The following TSHZ2 variants were observed in gnomAD, a reference collection of about 807,000 sequenced individuals.
TSHZ2 encodes teashirt homolog 2.
A neutral mutation model predicts 74.4 loss-of-function variants in TSHZ2; 21 were observed. That is an observed-to-expected ratio of 0.28 (90% confidence interval 0.20 to 0.41). The LOEUF (loss-of-function observed/expected upper bound fraction) is 0.41. Among genes scored for constraint, TSHZ2 ranks in the 10% least tolerant of loss-of-function variants. TSHZ2 has a pLI of 1.00. For synonymous variants in TSHZ2, 540 were observed against 515.3 expected, an observed-to-expected ratio of 1.05 and a Z score of -0.65; for missense variants, 1,244 against 1,293.5, an observed-to-expected ratio of 0.96 and a Z score of 0.59.
intron 1 of TSHZ2, among the ~76,000 whole-genome samples, chr20:53,117,246 A>G (rs1986695130): frequency 6.6e-6 from 1 of 152,194 alleles, no homozygotes; most frequent in South Asian, 2.1e-4. Context: ...TAAGCTCCAT[A>G]TAGAGGTTCC....
intron 2 of TSHZ2, among the ~76,000 whole-genome samples, chr20:53,349,082 G>A (rs1980546443): frequency 6.6e-6 from 1 of 152,198 alleles, no homozygotes; most frequent in African/African-American, 2.4e-5. Flanking sequence ...GTTGAACAGT[G>A]TCCAGGTGTG....
At chr20:53,127,702 C>G (rs1316166478) in intron 1 of TSHZ2, among the ~76,000 whole-genome samples, 2 of 152,174 alleles carry the variant, frequency 1.3e-5, no homozygotes, top group African/African-American at 4.8e-5. Flanking sequence ...TTCTTTGCAT[C>G]CATTATTTGA....
Position 53,045,701 on chromosome 20 carries a change from G to A in TSHZ2, c.40+72368G>A, listed in dbSNP as rs1196791653. Among the ~76,000 whole-genome samples, 4 of 152,320 alleles carry A rather than the reference G, an allele frequency of 2.6e-5. No homozygotes were observed. In the East Asian group the frequency reaches 7.7e-4, roughly 29 times the overall value. On this transcript the variant is annotated intron_variant, in intron 1 of 2. Coordinates refer to ENST00000371497, the MANE Select transcript of TSHZ2 (RefSeq NM_173485.6). ...CTTCGAATCTGGGAACCACCCTTAT[G>A]GCTGAGTGGATTTCACTCTCTGCAC...
rs189417182 is a variant in TSHZ2 at position 53,160,890 on chromosome 20, T to C, written c.41-92609T>C. On this transcript the variant is annotated intron_variant, in intron 1 of 2. Transcript: ENST00000371497. ...TCTTCATCTATATATTCCCTACTCT[T>C]AATCTATTTCTTTATAAGGTGCTAA... Among the ~76,000 whole-genome samples, 177 of 152,140 alleles carry C rather than the reference T, an allele frequency of 1.2e-3. 1 individual carries two copies. Among genetic ancestry groups the C allele is most frequent in the African/African-American group, 3.9e-3 (163 of 41,460 alleles).
intron 1 of TSHZ2, among the ~76,000 whole-genome samples, chr20:53,233,409 T>C (rs1039513409): frequency 2.0e-5 from 3 of 152,294 alleles, no homozygotes; most frequent in East Asian, 1.9e-4. Context: ...TCCTGTCTAA[T>C]AGGGGACAGA....
chr20:53,072,952 T>C lies in TSHZ2; in HGVS notation c.40+99619T>C, dbSNP rs1021737586. 3.0e-5 allele frequency among the ~76,000 whole-genome samples: 4 copies of C among 135,082 alleles called. No homozygotes were observed. In the Admixed American group the frequency reaches 3.3e-4, roughly 11 times the overall value. 88.6% of individuals were successfully genotyped at this position (135,082 alleles called of 152,430 possible). On this transcript the variant is annotated intron_variant, in intron 1 of 2. Coordinates refer to ENST00000371497, the MANE Select transcript of TSHZ2 (RefSeq NM_173485.6). ...CTTAATCCATTCATCCATCCCTCCGTTCCTTCATCCATCTATCCCTCCATC... is the reference window on the plus strand; with the variant it reads ...CTTAATCCATTCATCCATCCCTCCGCTCCTTCATCCATCTATCCCTCCATC...
chr20:53,138,497 T>A (rs2123406832), intron 1 of TSHZ2, among the ~76,000 whole-genome samples: 2 of 152,214 alleles, frequency 1.3e-5, no homozygotes, highest in Middle Eastern at 3.4e-3. Flanking sequence ...CAACCAGGGC[T>A]TTTCTCTCAC....
chr20:53,198,157 C>A (rs886359988), intron 1 of TSHZ2: 1 of 152,202 alleles, frequency 6.6e-6, no homozygotes, highest in Non-Finnish European at 1.5e-5. Context: ...CACCTTCTCA[C>A]TCAGCATACA....
chr20:53,218,564 T>C (rs1989486783), intron 1 of TSHZ2, among the ~76,000 whole-genome samples: 1 of 152,240 alleles, frequency 6.6e-6, no homozygotes, highest in Admixed American at 6.5e-5. Flanking sequence ...ATGACGAGAT[T>C]AGCTGGAGCT....
intron 1 of TSHZ2, among the ~76,000 whole-genome samples, chr20:53,204,435 A>T (rs1370202187): frequency 6.6e-6 from 1 of 151,016 alleles, no homozygotes; most frequent in African/African-American, 2.4e-5. Context: ...TTATATCATA[A>T]TATGATATAA....
intron 1 of TSHZ2, among the ~76,000 whole-genome samples, chr20:53,240,076 T>C (rs1364609291): frequency 2.0e-5 from 3 of 152,194 alleles, no homozygotes; most frequent in African/African-American, 7.2e-5. Context: ...CGTGATGTCA[T>C]ATATGTTGGC....
Position 53,087,074 on chromosome 20 carries a change from G to A in TSHZ2, c.40+113741G>A, listed in dbSNP as rs567990538. On this transcript the variant is annotated intron_variant, in intron 1 of 2. Coordinates refer to ENST00000371497, the MANE Select transcript of TSHZ2 (RefSeq NM_173485.6). ...AGACTCATAGGAAGTGAGAAAACAA[G>A]CCATGTGATGATCTGAAGGAGGAGA... 2.0e-5 allele frequency among the ~76,000 whole-genome samples: 3 copies of A among 152,238 alleles called. No homozygotes were observed. In the East Asian group the frequency reaches 5.8e-4, roughly 29 times the overall value.
intron 2 of TSHZ2, among the ~76,000 whole-genome samples, chr20:53,464,707 G>T (rs746828676): frequency 6.6e-6 from 1 of 152,096 alleles, no homozygotes; most frequent in East Asian, 1.9e-4. Flanking sequence ...GGGCTCAAGA[G>T]TCCTCCTGCC....
intron 1 of TSHZ2, among the ~76,000 whole-genome samples, chr20:53,085,366 A>G (rs189430730): frequency 2.6e-5 from 4 of 151,986 alleles, no homozygotes; most frequent in Non-Finnish European, 5.9e-5. Context: ...CTCCATCTCA[A>G]AAAGAAAGAG....
chr20:53,229,954 AAG>A lies in TSHZ2; in HGVS notation c.41-23541_41-23540del, dbSNP rs370766023. ...GAGAAAGAAAAGAGAGGAAGGAAGA[AAG>A]AGAAAGAAGAAGGAAGAGAAAGAAA... is the stretch of plus-strand genomic sequence containing the variant. On this transcript the variant is annotated intron_variant, in intron 1 of 2. Transcript: ENST00000371497. 6.0e-5 allele frequency among the ~76,000 whole-genome samples: 9 copies of A among 151,206 alleles called. No individual in the cohort carries two copies. The South Asian group carries it at 1.3e-3, about 21-fold the overall frequency.
At chr20:53,082,035 CACTG>C (rs1985553662) in intron 1 of TSHZ2, among the ~76,000 whole-genome samples, 1 of 152,034 alleles carries the variant, frequency 6.6e-6, no homozygotes, top group South Asian at 2.1e-4. Context: ...GGTCACCCGT[CACTG>C]ACTTTGTATT....
intron 1 of TSHZ2, among the ~76,000 whole-genome samples, chr20:53,249,983 T>G (rs540228334): frequency 8.5e-5 from 13 of 152,132 alleles, no homozygotes; most frequent in Non-Finnish European, 1.8e-4. Flanking sequence ...GCTAGAGCAG[T>G]GGCCATGGAG....
At chr20:52,982,503 G>T (rs10485814) in intron 1 of TSHZ2, among the ~76,000 whole-genome samples, 8,037 of 152,176 alleles carry the variant, frequency 0.053, 708 homozygotes, top group African/African-American at 0.18. Context: ...CTCTTTATGG[G>T]ATGTTCTTTC....
chr20:53,370,844 T>C (rs1402949658), intron 2 of TSHZ2, among the ~76,000 whole-genome samples: 1 of 152,230 alleles, frequency 6.6e-6, no homozygotes, highest in Non-Finnish European at 1.5e-5. Context: ...GTTCATTTCC[T>C]GGAGCTGCTA....
Sources: allele counts gnomAD v4.1 joint callset (sites outside exome capture counted in the v4.1 genomes callset), GRCh38; gene constraint gnomAD v4.1.1; transcripts MANE v1.5; gene names NCBI Gene and HGNC (gene_info 2026-07-23, HGNC 2026-07-21).